VPS13B: variants seen among roughly 807,000 people sequenced by gnomAD.
The protein encoded by VPS13B is vacuolar protein sorting 13 homolog B, also known as intermembrane lipid transfer protein VPS13B.
Under a neutral mutation model 426.4 loss-of-function variants are expected in VPS13B, and 285 were observed. That is an observed-to-expected ratio of 0.67 (90% CI 0.61 to 0.74). The LOEUF (loss-of-function observed/expected upper bound fraction) is 0.74, where lower values mean the gene tolerates loss of function less well. VPS13B is among the 30% of genes least tolerant of loss of function. The probability of loss-of-function intolerance (pLI) is 0.00; values close to 1 mark genes in which losing one functional copy is unlikely to be tolerated. For synonymous variants in VPS13B, 1,676 were observed against 1,676.4 expected (o/e 1.00, Z 0.01); for missense variants, 4,537 against 4,782.6 (o/e 0.95, Z 1.51).
intron 14 of VPS13B, among the ~76,000 whole-genome samples, chr8:99,149,259 T>C (rs898198728): frequency 6.6e-6 from 1 of 152,274 alleles, no homozygotes; most frequent in African/African-American, 2.4e-5. Context: ...TATTTGTTTA[T>C]GGTCCATATA....
chr8:99,596,470 T>C (rs1381336245), intron 33 of VPS13B, among the ~76,000 whole-genome samples: 1 of 152,020 alleles, frequency 6.6e-6, no homozygotes, highest in African/African-American at 2.4e-5. Flanking sequence ...AAGACTGGTA[T>C]AGTGGCTCTG....
chr8:99,854,893 G>A (rs1375924226), intron 56 of VPS13B, among the ~76,000 whole-genome samples: 1 of 152,218 alleles, frequency 6.6e-6, no homozygotes, highest in African/African-American at 2.4e-5. Flanking sequence ...ACAGACCTGA[G>A]CTCAAAGAGA....
intron 43 of VPS13B, among the ~76,000 whole-genome samples, chr8:99,795,597 A>T (rs984211418): frequency 6.6e-6 from 1 of 152,258 alleles, no homozygotes; most frequent in Non-Finnish European, 1.5e-5. Flanking sequence ...CAGTCTTGTT[A>T]GTCAAGAATT....
At chr8:99,818,966 C>CGGGGGGGG in intron 47 of VPS13B, 78 bp downstream of exon 47, 1 of 93,620 alleles carries the variant, frequency 1.1e-5, no homozygotes, top group Admixed American at 1.7e-4. Flanking sequence ...CACTGGGGGG[C>CGGGGGGGG]GGCGGGGGAG....
At chr8:99,068,266 G>A (rs1844651967) in intron 3 of VPS13B, among the ~76,000 whole-genome samples, 1 of 152,046 alleles carries the variant, frequency 6.6e-6, no homozygotes. Flanking sequence ...TTCCCTAGCT[G>A]TTTTATAGAT....
At chr8:99,262,939 A>AT (rs1818123316) in intron 17 of VPS13B, among the ~76,000 whole-genome samples, 1 of 151,900 alleles carries the variant, frequency 6.6e-6, no homozygotes, top group African/African-American at 2.4e-5. Flanking sequence ...TGCCTGGCTA[A>AT]TTTTTTATTT....
In VPS13B at chr8:99,876,519, T is replaced by TA. The variant is rs533782654; in HGVS notation, c.*854dup. 198 of 152,314 alleles carry TA rather than the reference T, an allele frequency of 1.3e-3. No homozygotes were observed. Among genetic ancestry groups the TA allele is most frequent in the African/African-American group, 4.4e-3 (182 of 41,564 alleles). The allele number at this position is 152,314 out of a possible 1,614,324, so 9.4% of individuals were successfully genotyped here. On this transcript the variant is annotated 3_prime_UTR_variant, in exon 62 of 62. Coordinates refer to ENST00000357162, the MANE Select transcript of VPS13B (RefSeq NM_152564.5). ...TTTCTCTAGTTCCATAAACAAAACATACATAGTGGGAACTCCCTGGTATGC... is the reference window on the plus strand; with the variant it reads ...TTTCTCTAGTTCCATAAACAAAACATAACATAGTGGGAACTCCCTGGTATGC...
chr8:99,366,288 A>C lies in VPS13B; in HGVS notation c.2825-17920A>C, dbSNP rs148311097. Among the ~76,000 whole-genome samples the C allele has an allele frequency of 5.0e-3, 757 of 152,112 alleles. 6 individuals carry two copies. Among genetic ancestry groups the C allele is most frequent in the African/African-American group, 0.017 (716 of 41,546 alleles). ...TGGATGCTCCAGTGTTTGGTATATT[A>C]AAATTTACAATTATATCCCCTTCCT... On this transcript the variant is annotated intron_variant, in intron 19 of 61. Coordinates refer to ENST00000357162, the MANE Select transcript of VPS13B (RefSeq NM_152564.5).
intron 33 of VPS13B, among the ~76,000 whole-genome samples, chr8:99,601,944 G>T (rs1431273276): frequency 6.6e-6 from 1 of 152,110 alleles, no homozygotes; most frequent in African/African-American, 2.4e-5. Context: ...TATTCTGTAG[G>T]TTGCCTGTTC....
chr8:99,693,161 T>C (rs1278850442), intron 35 of VPS13B, among the ~76,000 whole-genome samples: 6 of 148,354 alleles, frequency 4.0e-5, no homozygotes, highest in Non-Finnish European at 7.4e-5. Context: ...TTCCAATCAA[T>C]AGAAAAACAG....
chr8:99,843,239 A>G (rs1188889712), intron 54 of VPS13B, among the ~76,000 whole-genome samples: 2 of 152,138 alleles, frequency 1.3e-5, no homozygotes, highest in African/African-American at 2.4e-5. Flanking sequence ...GTCTCTTAGT[A>G]TATGTCACCT....
intron 21 of VPS13B, among the ~76,000 whole-genome samples, chr8:99,412,940 G>T (rs1373157707): frequency 6.6e-6 from 1 of 152,174 alleles, no homozygotes; most frequent in Non-Finnish European, 1.5e-5. Flanking sequence ...GCTTTTTGAT[G>T]TGCTGCTGGA....
At chr8:99,106,763 C>T (rs1292318441) in intron 5 of VPS13B, among the ~76,000 whole-genome samples, 2 of 152,150 alleles carry the variant, frequency 1.3e-5, no homozygotes, top group Non-Finnish European at 2.9e-5. Context: ...TCGTCTGTAA[C>T]AATAGTTCAG....
intron 19 of VPS13B, among the ~76,000 whole-genome samples, chr8:99,333,133 T>C (rs1005793778): frequency 2.0e-5 from 3 of 151,712 alleles, no homozygotes; most frequent in African/African-American, 7.2e-5. Flanking sequence ...GTAGAGTTTA[T>C]ATATTTTAGA....
Position 99,616,550 on chromosome 8 carries a change from G to A in VPS13B, c.5221-25261G>A, listed in dbSNP as rs184111119. Among the ~76,000 whole-genome samples, 13 of 152,266 alleles carry A rather than the reference G, an allele frequency of 8.5e-5. No individual in the cohort carries two copies. In the East Asian group the frequency reaches 1.9e-3, roughly 23 times the overall value. On this transcript the variant is annotated intron_variant, in intron 33 of 61. Coordinates refer to ENST00000357162, the MANE Select transcript of VPS13B (RefSeq NM_152564.5). ...AAGTATAAGAATGCCAGATATGGCC[G>A]GGCGCAGTGGCTCATGCCTGTAATC...
intron 19 of VPS13B, among the ~76,000 whole-genome samples, chr8:99,335,128 T>G (rs1810761397): frequency 6.6e-6 from 1 of 152,194 alleles, no homozygotes; most frequent in Non-Finnish European, 1.5e-5. Flanking sequence ...CTTCTAGATT[T>G]TCTAGTTTAT....
chr8:99,616,865 T>C (rs1447413267), intron 33 of VPS13B, among the ~76,000 whole-genome samples: 2 of 152,170 alleles, frequency 1.3e-5, no homozygotes, highest in Non-Finnish European at 2.9e-5. Flanking sequence ...GAATAATAAC[T>C]ATAAAGGACT....
At chr8:99,157,524 G>A (rs1011152781) in intron 15 of VPS13B, among the ~76,000 whole-genome samples, 1 of 152,108 alleles carries the variant, frequency 6.6e-6, no homozygotes, top group Non-Finnish European at 1.5e-5. Context: ...CTTGGTAAAT[G>A]TTGTGTGTGT....
intron 39 of VPS13B, among the ~76,000 whole-genome samples, chr8:99,739,560 G>C (rs1833980545): frequency 6.6e-6 from 1 of 152,186 alleles, no homozygotes; most frequent in Non-Finnish European, 1.5e-5. Context: ...TAGCCTAACT[G>C]GGAGGCACCC....
Sources: gnomAD v4.1 joint callset for allele counts (sites outside exome capture counted in the v4.1 genomes callset) on GRCh38, gnomAD v4.1.1 for gene constraint, MANE v1.5 for transcripts, NCBI Gene and HGNC (gene_info 2026-07-23, HGNC 2026-07-21) for gene names.